The following ITSN1 variants were observed in gnomAD, a reference collection of about 807,000 sequenced individuals.
The protein encoded by ITSN1 is intersectin-1.
ITSN1 carries 58 observed loss-of-function variants against 239.8 expected under a neutral mutation model. That is an observed-to-expected ratio of 0.24 (90% confidence interval 0.20 to 0.30). ITSN1 has a LOEUF of 0.30. Ranked by LOEUF, ITSN1 falls within the 10% of genes least tolerant of loss-of-function variation. The pLI, the probability that ITSN1 is intolerant of heterozygous loss-of-function variation, is 1.00. For missense variants in ITSN1, 1,558 were observed against 2,103.3 expected, an observed-to-expected ratio of 0.74 and a Z score of 5.07; for synonymous variants, 780 against 770.8, an observed-to-expected ratio of 1.01 and a Z score of -0.20.
chr21:33,736,004 C>T (rs1056207851), intron 5 of ITSN1, among the ~76,000 whole-genome samples: 4 of 152,220 alleles, frequency 2.6e-5, no homozygotes, highest in Admixed American at 6.5e-5. Context: ...TCAAAACAAA[C>T]GTGATTCCAT....
At chr21:33,791,712 G>GA (rs1480474484) in intron 16 of ITSN1, among the ~76,000 whole-genome samples, 1 of 152,036 alleles carries the variant, frequency 6.6e-6, no homozygotes, top group African/African-American at 2.4e-5. Context: ...GGGGAAAAAT[G>GA]AAAAATCTTC....
At chr21:33,720,343 C>T (rs1171446854) in intron 2 of ITSN1, among the ~76,000 whole-genome samples, 1 of 152,188 alleles carries the variant, frequency 6.6e-6, no homozygotes, top group Non-Finnish European at 1.5e-5. Context: ...GTGAAACATA[C>T]GTATTGTGTA....
intron 8 of ITSN1, among the ~76,000 whole-genome samples, chr21:33,760,368 G>A (rs1029601145): frequency 1.3e-5 from 2 of 152,090 alleles, no homozygotes; most frequent in Non-Finnish European, 2.9e-5. Context: ...CCTCCATAGT[G>A]TTTGAGTATT....
chr21:33,708,849 A>C (rs1283550487), intron 1 of ITSN1, among the ~76,000 whole-genome samples: 1 of 152,186 alleles, frequency 6.6e-6, no homozygotes, highest in Non-Finnish European at 1.5e-5. Flanking sequence ...TATTATGTAA[A>C]GTGTCAGTGT....
intron 22 of ITSN1, 109 bp from the exon 23 acceptor site, chr21:33,818,158 T>C: frequency 1.2e-6 from 1 of 814,024 alleles, no homozygotes; most frequent in African/African-American, 1.7e-5. Context: ...TTTGTGGCTG[T>C]GTGTGCTTGT....
intron 1 of ITSN1, among the ~76,000 whole-genome samples, chr21:33,670,482 CTT>C (rs34091306): frequency 4.5e-4 from 66 of 146,240 alleles, no homozygotes; most frequent in Non-Finnish European, 7.7e-4. Context: ...ATGAAAATCG[CTT>C]TTTTTTTTTC....
chr21:33,858,623 C>CGTGTGAG (rs1979842701), intron 30 of ITSN1, 63 bp from the exon 31 acceptor site: 1 of 1,023,978 alleles, frequency 9.8e-7, no homozygotes, highest in Admixed American at 1.7e-5. Context: ...AGCGGATCGG[C>CGTGTGAG]GTGTGAGTGT....
At chr21:33,823,798 A>C (rs1394801098) in intron 25 of ITSN1, 145 bp downstream of exon 25, 10 of 774,874 alleles carry the variant, frequency 1.3e-5, no homozygotes, top group Non-Finnish European at 1.9e-5. Flanking sequence ...TCATTGTTTG[A>C]TCTTGTCATT....
chr21:33,842,594 G>C (rs2148434647), intron 29 of ITSN1, among the ~76,000 whole-genome samples: 1 of 151,808 alleles, frequency 6.6e-6, no homozygotes, highest in Non-Finnish European at 1.5e-5. Context: ...GGTGACAGTA[G>C]GTCAAACGGT....
At position 33,888,641 on chromosome 21, in the gene ITSN1, T is replaced by C. The variant is rs1372852831; in HGVS notation, c.*341T>C. On this transcript the variant is annotated 3_prime_UTR_variant, in exon 40 of 40. Transcript: ENST00000381318. The stretch of plus-strand genomic sequence containing the variant: ...AGGGATGGGTCTGGTTACTATAAAA[T>C]AGATTTATAAATGCAATGTCTATAT... The C allele has an allele frequency of 5.6e-6, 1 of 179,974 alleles. No individual in the cohort carries two copies. Among genetic ancestry groups the C allele is most frequent in the East Asian group, 1.4e-4 (1 of 6,982 alleles). 11.1% of individuals were successfully genotyped at this position (179,974 alleles called of 1,614,324 possible).
chr21:33,809,653 T>A (rs1375758465), intron 20 of ITSN1, among the ~76,000 whole-genome samples: 1 of 152,238 alleles, frequency 6.6e-6, no homozygotes, highest in Non-Finnish European at 1.5e-5. Flanking sequence ...AGACCCTGCC[T>A]ACTCATGTCT....
At chr21:33,663,401 C>T (rs1225936320) in intron 1 of ITSN1, among the ~76,000 whole-genome samples, 8 of 143,412 alleles carry the variant, frequency 5.6e-5, no homozygotes, top group Admixed American at 4.9e-4. Context: ...TTAGGCATAG[C>T]TTTGCTGGCA....
chr21:33,659,594 A>G lies in ITSN1; in HGVS notation c.-33+16881A>G, dbSNP rs529451063. ...CAGTCTGCCTATAGTATTTTTGAAT[A>G]CTGTGTCTATACACAGTATAGACTT... On this transcript the variant is annotated intron_variant, in intron 1 of 39. Transcript: ENST00000381318. Among the ~76,000 whole-genome samples, 13 of 151,874 alleles carry G rather than the reference A, an allele frequency of 8.6e-5. No homozygotes were observed. In the East Asian group the frequency reaches 2.5e-3, roughly 29 times the overall value.
intron 20 of ITSN1, among the ~76,000 whole-genome samples, chr21:33,807,651 CTG>C: frequency 6.6e-6 from 1 of 152,224 alleles, no homozygotes; most frequent in South Asian, 2.1e-4. Context: ...AGTCAATACC[CTG>C]TGTTTCAAGG....
At chr21:33,684,880 A>T (rs983547564) in intron 1 of ITSN1, among the ~76,000 whole-genome samples, 2 of 152,210 alleles carry the variant, frequency 1.3e-5, no homozygotes, top group Non-Finnish European at 2.9e-5. Flanking sequence ...ATTCTTTGTT[A>T]AGTAACTCTC....
intron 4 of ITSN1, among the ~76,000 whole-genome samples, chr21:33,724,307 A>G (rs2065686031): frequency 6.6e-6 from 1 of 152,236 alleles, no homozygotes; most frequent in Non-Finnish European, 1.5e-5. Context: ...TCAGATAACC[A>G]AGCGGTTTTG....
chr21:33,883,822 A>G (rs964066962), intron 36 of ITSN1, 151 bp downstream of exon 36: 3 of 762,238 alleles, frequency 3.9e-6, no homozygotes, highest in Non-Finnish European at 3.9e-6. Context: ...ACTTTTTTCT[A>G]CAGCCTCTCA....
chr21:33,748,832 T>C (rs1051514744), intron 5 of ITSN1, among the ~76,000 whole-genome samples: 2 of 152,064 alleles, frequency 1.3e-5, no homozygotes, highest in Non-Finnish European at 2.9e-5. Context: ...GCCATTTCAC[T>C]CTAGCTTGGG....
At chr21:33,667,629 G>A (rs1389396174) in intron 1 of ITSN1, among the ~76,000 whole-genome samples, 1 of 152,110 alleles carries the variant, frequency 6.6e-6, no homozygotes, top group Non-Finnish European at 1.5e-5. Context: ...CAGCTCTGTG[G>A]AGTAGGTACT....
Sources: allele counts gnomAD v4.1 joint callset (sites outside exome capture counted in the v4.1 genomes callset), GRCh38; gene constraint gnomAD v4.1.1; transcripts MANE v1.5; gene names NCBI Gene and HGNC (gene_info 2026-07-23, HGNC 2026-07-21).